The following KCNB2 variants were observed in gnomAD, a reference collection of about 807,000 sequenced individuals.
KCNB2 encodes potassium voltage-gated channel subfamily B member 2, also known as delayed rectifier potassium channel protein.
A neutral mutation model predicts 61.5 loss-of-function variants in KCNB2; 15 were observed. The observed-to-expected ratio is 0.24, with a 90% CI of 0.16 to 0.38. The LOEUF is 0.38. Among genes scored for constraint, KCNB2 ranks in the 10% least tolerant of loss-of-function variants. KCNB2 has a pLI of 1.00. For synonymous variants in KCNB2, 457 were observed against 446.0 expected (o/e 1.02, Z -0.31); for missense variants, 828 against 1,125.2 (o/e 0.74, Z 3.78).
intron 2 of KCNB2, among the ~76,000 whole-genome samples, chr8:72,840,842 A>G (rs1335080628): frequency 2.0e-5 from 3 of 151,748 alleles, no homozygotes; most frequent in Non-Finnish European, 2.9e-5. Flanking sequence ...ATTTTCTCCT[A>G]TTCTGTAGGT....
chr8:72,746,351 A>G (rs1808065608), intron 2 of KCNB2, among the ~76,000 whole-genome samples: 1 of 152,056 alleles, frequency 6.6e-6, no homozygotes, highest in Admixed American at 6.6e-5. Flanking sequence ...AGGCAACCCT[A>G]GCTTGTCCTT....
At chr8:72,893,100 T>C (rs1214721385) in intron 2 of KCNB2, among the ~76,000 whole-genome samples, 3 of 137,964 alleles carry the variant, frequency 2.2e-5, no homozygotes, top group Non-Finnish European at 4.7e-5. Context: ...GCAAGTTGAT[T>C]AAAAAAAAAA....
intron 2 of KCNB2, among the ~76,000 whole-genome samples, chr8:72,793,023 A>C (rs1808971682): frequency 6.6e-6 from 1 of 152,236 alleles, no homozygotes; most frequent in Admixed American, 6.5e-5. Context: ...ACCTGTGACT[A>C]GCTAGACAAT....
At chr8:72,932,521 A>AAT (rs1395839168) in intron 2 of KCNB2, among the ~76,000 whole-genome samples, 2 of 152,042 alleles carry the variant, frequency 1.3e-5, no homozygotes, top group Non-Finnish European at 2.9e-5. Context: ...GACCCCCTAT[A>AAT]AAACTTGTTT....
At chr8:72,725,836 G>T (rs948234415) in intron 2 of KCNB2, among the ~76,000 whole-genome samples, 6 of 151,524 alleles carry the variant, frequency 4.0e-5, no homozygotes, top group African/African-American at 1.2e-4. Context: ...AATTAATTTT[G>T]AATGAACTGA....
intron 2 of KCNB2, among the ~76,000 whole-genome samples, chr8:72,848,395 T>A (rs1266974078): frequency 6.6e-6 from 1 of 152,156 alleles, no homozygotes; most frequent in African/African-American, 2.4e-5. Flanking sequence ...TTCTACTTTT[T>A]TCTTTGTTTT....
chr8:72,561,778 G>GACATAT (rs1563523650), intron 1 of KCNB2, among the ~76,000 whole-genome samples: 28 of 34,322 alleles, frequency 8.2e-4, no homozygotes, highest in African/African-American at 2.7e-3. Flanking sequence ...TATATATATG[G>GACATAT]ATATATATAT....
chr8:72,573,387 T>C (rs576328275), intron 2 of KCNB2, among the ~76,000 whole-genome samples: 1 of 152,354 alleles, frequency 6.6e-6, no homozygotes, highest in South Asian at 2.1e-4. Flanking sequence ...CAGCTTGGGC[T>C]GTATAACACT....
chr8:72,634,556 C>T (rs1463010961), intron 2 of KCNB2, among the ~76,000 whole-genome samples: 1 of 152,108 alleles, frequency 6.6e-6, no homozygotes, highest in Non-Finnish European at 1.5e-5. Context: ...ACTATTGTAT[C>T]TACGTTAAAT....
chr8:72,847,174 A>G (rs1258708198), intron 2 of KCNB2, among the ~76,000 whole-genome samples: 2 of 152,208 alleles, frequency 1.3e-5, no homozygotes, highest in African/African-American at 4.8e-5. Flanking sequence ...GACTGGGGGC[A>G]ATGGCTCCTT....
At chr8:72,810,860 C>T (rs763529557) in intron 2 of KCNB2, among the ~76,000 whole-genome samples, 2 of 152,176 alleles carry the variant, frequency 1.3e-5, no homozygotes, top group Middle Eastern at 3.2e-3. Flanking sequence ...TTGGGATGGA[C>T]ATTCTTATCT....
At chr8:72,712,128 A>G (rs565953416) in intron 2 of KCNB2, among the ~76,000 whole-genome samples, 1 of 152,406 alleles carries the variant, frequency 6.6e-6, no homozygotes, top group Non-Finnish European at 1.5e-5. Flanking sequence ...TATAAAAGAA[A>G]AAGCACATAA....
chr8:72,550,674 T>A (rs1479939095), intron 1 of KCNB2, among the ~76,000 whole-genome samples: 4 of 152,218 alleles, frequency 2.6e-5, no homozygotes, highest in Non-Finnish European at 5.9e-5. Flanking sequence ...GGTCTTAAGC[T>A]ATGTGGTTCT....
At chr8:72,785,325 C>T (rs983172818) in intron 2 of KCNB2, among the ~76,000 whole-genome samples, 4 of 152,102 alleles carry the variant, frequency 2.6e-5, no homozygotes, top group Admixed American at 1.3e-4. Flanking sequence ...CAATTATAAA[C>T]AACCCAAATA....
intron 1 of KCNB2, among the ~76,000 whole-genome samples, chr8:72,549,187 G>A (rs907326223): frequency 1.3e-5 from 2 of 152,164 alleles, no homozygotes; most frequent in Middle Eastern, 3.2e-3. Flanking sequence ...CCAGGGCATG[G>A]CAGGGTCCAG....
rs1438049168 is a variant in KCNB2, at chr8:72,734,589, C to A, written c.579+166276C>A. Reference sequence around the variant, plus strand: ...GAACTACAGGATCCATAATACGATACCAGGTGTGTCTCTGGTAACCATGAA... The same window carrying A: ...GAACTACAGGATCCATAATACGATAACAGGTGTGTCTCTGGTAACCATGAA... On this transcript the variant is annotated intron_variant, in intron 2 of 2. Transcript: ENST00000523207. Among the ~76,000 whole-genome samples, 9 of 152,108 alleles carry A rather than the reference C, an allele frequency of 5.9e-5. No homozygotes were observed. The South Asian group carries it at 1.9e-3, about 32-fold the overall frequency.
At chr8:72,697,648 G>A (rs1440357) in intron 2 of KCNB2, among the ~76,000 whole-genome samples, 152,092 of 152,268 alleles carry the variant, frequency 1, 75,960 homozygotes, top group Middle Eastern at 1. Flanking sequence ...GGCCTCAGTC[G>A]CTAAAAGAAA....
chr8:72,854,217 T>G (rs544893105), intron 2 of KCNB2, among the ~76,000 whole-genome samples: 1 of 152,302 alleles, frequency 6.6e-6, no homozygotes, highest in East Asian at 1.9e-4. Flanking sequence ...TTTTAAATAT[T>G]ATGCATTTTT....
chr8:72,583,847 G>A (rs535941150), intron 2 of KCNB2, among the ~76,000 whole-genome samples: 206 of 148,954 alleles, frequency 1.4e-3, no homozygotes, highest in Non-Finnish European at 2.5e-3. Flanking sequence ...TAAAACTGGG[G>A]TTTATGGGTA....
Sources: allele counts gnomAD v4.1 joint callset (sites outside exome capture counted in the v4.1 genomes callset), GRCh38; gene constraint gnomAD v4.1.1; transcripts MANE v1.5; gene names NCBI Gene and HGNC (gene_info 2026-07-23, HGNC 2026-07-21).